The following SGCZ variants were observed in gnomAD, a reference collection of about 807,000 sequenced individuals.
SGCZ encodes sarcoglycan zeta.
Under a neutral mutation model 41.3 loss-of-function variants are expected in SGCZ, and 40 were observed. The observed-to-expected ratio is 0.97, with a 90% CI of 0.75 to 1.26. The LOEUF is 1.26. Ranked by LOEUF, SGCZ falls within the 50% of genes most tolerant of loss-of-function variation. The pLI is 0.00. For synonymous variants in SGCZ, 206 were observed against 137.5 expected, an observed-to-expected ratio of 1.50 and a Z score of -3.49; for missense variants, 552 against 369.8, an observed-to-expected ratio of 1.49 and a Z score of -4.04.
At chr8:14,983,316 G>C (rs970152769) in intron 1 of SGCZ, among the ~76,000 whole-genome samples, 2 of 151,818 alleles carry the variant, frequency 1.3e-5, no homozygotes. Flanking sequence ...TCCTGCCTCA[G>C]CACACCAGGT....
At chr8:15,196,029 C>T (rs1800718561) in intron 1 of SGCZ, among the ~76,000 whole-genome samples, 1 of 146,230 alleles carries the variant, frequency 6.8e-6, no homozygotes, top group Non-Finnish European at 1.5e-5. Flanking sequence ...TCCCGAGTAG[C>T]TGGGACTACA....
At chr8:14,356,095 C>CAA (rs1489927807) in intron 2 of SGCZ, among the ~76,000 whole-genome samples, 1 of 152,182 alleles carries the variant, frequency 6.6e-6, no homozygotes, top group Non-Finnish European at 1.5e-5. Flanking sequence ...GTCAGCCACA[C>CAA]AAACACCAGA....
At chr8:14,204,734 G>C (rs373754821) in intron 4 of SGCZ, among the ~76,000 whole-genome samples, 3 of 152,118 alleles carry the variant, frequency 2.0e-5, no homozygotes, top group East Asian at 1.9e-4. Context: ...TTATGCTGAA[G>C]CTGGGACACA....
At chr8:14,248,369 G>A (rs1799177957) in intron 3 of SGCZ, among the ~76,000 whole-genome samples, 1 of 152,156 alleles carries the variant, frequency 6.6e-6, no homozygotes, top group Non-Finnish European at 1.5e-5. Flanking sequence ...CGATGCTAAT[G>A]ATGATAATGT....
rs868504484 is a variant in SGCZ at position 14,833,048 on chromosome 8, T to A, written c.40-278122A>T. Among the ~76,000 whole-genome samples, 6 of 152,270 alleles carry A rather than the reference T, an allele frequency of 3.9e-5. No homozygotes were observed. The South Asian group carries it at 6.2e-4, about 16-fold the overall frequency. ...TGCTTAATCTGTTTTTCTCAGTTGATTTTTTATATACTGAAGCATAGTAGA... is the reference window on the plus strand; with the variant it reads ...TGCTTAATCTGTTTTTCTCAGTTGAATTTTTATATACTGAAGCATAGTAGA... On this transcript the variant is annotated intron_variant, in intron 1 of 7. Coordinates refer to ENST00000382080, the MANE Select transcript of SGCZ (RefSeq NM_139167.4).
intron 1 of SGCZ, among the ~76,000 whole-genome samples, chr8:14,964,618 G>A (rs866849799): frequency 1.3e-5 from 2 of 152,272 alleles, no homozygotes; most frequent in Middle Eastern, 6.8e-3. Flanking sequence ...CTTTGCAATG[G>A]GATAACCCTG....
Position 14,656,561 on chromosome 8 carries a change from C to A in SGCZ, c.40-101635G>T, listed in dbSNP as rs1807583556. ...TCTTTCTTTCCCTTTCTTTTTCTTTCTTTTCCTTCCCTGCTTCTTTTCTTC... is the reference window on the plus strand; with the variant it reads ...TCTTTCTTTCCCTTTCTTTTTCTTTATTTTCCTTCCCTGCTTCTTTTCTTC... On this transcript the variant is annotated intron_variant, in intron 1 of 7. Coordinates refer to ENST00000382080, the MANE Select transcript of SGCZ (RefSeq NM_139167.4). Among the ~76,000 whole-genome samples, 2 of 138,470 alleles carry A rather than the reference C, an allele frequency of 1.4e-5. 1 individual carries two copies. The highest frequency in any genetic ancestry group is 4.8e-4 in the South Asian group (2 of 4,170). 90.8% of individuals were successfully genotyped at this position (138,470 alleles called of 152,430 possible).
chr8:14,625,428 T>G (rs1806422463), intron 1 of SGCZ, among the ~76,000 whole-genome samples: 1 of 152,192 alleles, frequency 6.6e-6, no homozygotes, highest in African/African-American at 2.4e-5. Context: ...GAATATATAT[T>G]TTATGATACA....
intron 2 of SGCZ, among the ~76,000 whole-genome samples, chr8:14,383,787 T>G (rs913336642): frequency 6.6e-6 from 1 of 152,074 alleles, no homozygotes; most frequent in East Asian, 1.9e-4. Context: ...TCAGGGACTG[T>G]ACAGTTGAAT....
At chr8:14,423,099 C>A (rs1175952580) in intron 2 of SGCZ, among the ~76,000 whole-genome samples, 1 of 151,454 alleles carries the variant, frequency 6.6e-6, no homozygotes, top group East Asian at 2.0e-4. Context: ...ATAGGTAAAC[C>A]TTTTTTTCTT....
At chr8:14,556,181 G>T (rs575291310) in intron 1 of SGCZ, among the ~76,000 whole-genome samples, 2 of 151,638 alleles carry the variant, frequency 1.3e-5, no homozygotes, top group Non-Finnish European at 2.9e-5. Flanking sequence ...ATTACCAGAA[G>T]GATGGAAACT....
intron 2 of SGCZ, among the ~76,000 whole-genome samples, chr8:14,506,767 G>A (rs1228816940): frequency 6.6e-6 from 1 of 151,988 alleles, no homozygotes; most frequent in Non-Finnish European, 1.5e-5. Context: ...TTAAACCAAC[G>A]ACAGCACTTG....
At chr8:14,308,376 G>C (rs1801414750) in intron 3 of SGCZ, among the ~76,000 whole-genome samples, 1 of 152,004 alleles carries the variant, frequency 6.6e-6, no homozygotes, top group Admixed American at 6.6e-5. Flanking sequence ...AATTTGGATA[G>C]AGAACTATCT....
At chr8:14,767,418 T>A (rs759684662) in intron 1 of SGCZ, among the ~76,000 whole-genome samples, 2 of 152,172 alleles carry the variant, frequency 1.3e-5, no homozygotes, top group Non-Finnish European at 2.9e-5. Context: ...CAGAAATCTA[T>A]CATTACTGGA....
At chr8:15,005,204 A>G (rs1304229880) in intron 1 of SGCZ, among the ~76,000 whole-genome samples, 1 of 152,122 alleles carries the variant, frequency 6.6e-6, no homozygotes, top group African/African-American at 2.4e-5. Flanking sequence ...TCAAAAGTTC[A>G]AAAGGCATGG....
At chr8:15,045,069 C>T (rs1436927271) in intron 1 of SGCZ, among the ~76,000 whole-genome samples, 1 of 151,148 alleles carries the variant, frequency 6.6e-6, no homozygotes, top group Non-Finnish European at 1.5e-5. Flanking sequence ...CAGGAAATCT[C>T]TTGAGCTTTT....
intron 1 of SGCZ, among the ~76,000 whole-genome samples, chr8:14,656,326 C>T (rs80102387): frequency 0.013 from 1,915 of 151,590 alleles, 22 homozygotes; most frequent in Non-Finnish European, 0.02. Flanking sequence ...CCTTCCTCCT[C>T]CTCTATCCCT....
chr8:15,237,945 C>A lies in SGCZ; in HGVS notation c.-322G>T, dbSNP rs140425698. ...AAATCCACTCTATTTAAGATTATTTCTTCTTCTGCAATAAGCTTAGAACCC... is the reference window on the plus strand; with the variant it reads ...AAATCCACTCTATTTAAGATTATTTATTCTTCTGCAATAAGCTTAGAACCC... On this transcript the variant is annotated 5_prime_UTR_variant, in exon 1 of 8. Transcript: ENST00000382080. 5.6e-3 allele frequency: 1,533 copies of A among 272,976 alleles called. 14 individuals are homozygous for A. The highest frequency in any genetic ancestry group is 0.012 in the Middle Eastern group (10 of 844). 16.9% of individuals were successfully genotyped at this position (272,976 alleles called of 1,614,324 possible).
chr8:14,319,587 A>G (rs1329182273), intron 3 of SGCZ: 1 of 152,022 alleles, frequency 6.6e-6, no homozygotes, highest in African/African-American at 2.4e-5. Context: ...GGAAGGAATG[A>G]TTGGACTAAT....
Sources: allele counts gnomAD v4.1 joint callset (sites outside exome capture counted in the v4.1 genomes callset), GRCh38; gene constraint gnomAD v4.1.1; transcripts MANE v1.5; gene names NCBI Gene and HGNC (gene_info 2026-07-23, HGNC 2026-07-21).